CNNM2: variants seen among roughly 807,000 people sequenced by gnomAD.
The protein encoded by CNNM2 is metal transporter CNNM2.
In CNNM2, 12 loss-of-function variants were observed where a neutral mutation model predicts 66.9. The ratio of observed to expected loss-of-function variants is 0.18; its 90% confidence interval spans 0.11 to 0.29. The LOEUF (loss-of-function observed/expected upper bound fraction) is 0.29, where lower values mean the gene tolerates loss of function less well. Among genes scored for constraint, CNNM2 ranks in the 10% least tolerant of loss-of-function variants. The pLI is 1.00. For synonymous variants in CNNM2, 557 were observed against 501.8 expected, an observed-to-expected ratio of 1.11 and a Z score of -1.47; for missense variants, 705 against 1,167.7, an observed-to-expected ratio of 0.60 and a Z score of 5.77.
chr10:103,037,019 G>A (rs1406942585), intron 1 of CNNM2, among the ~76,000 whole-genome samples: 1 of 152,058 alleles, frequency 6.6e-6, no homozygotes, highest in Non-Finnish European at 1.5e-5. Context: ...GGGGGAAACT[G>A]GGGAAAAGTA....
In CNNM2 at chr10:103,076,290, T is replaced by C. The variant is rs943036; in HGVS notation, c.2418+20T>C. On this transcript the variant is annotated intron_variant, in intron 7 of 7. Transcript: ENST00000369878. The stretch of plus-strand genomic sequence containing the variant: ...GTTAAGGTGAGAGACGTGAGTGCAG[T>C]GTGGCTGGACCTGGCAGTTAGTTGT... 0.4 allele frequency: 617,046 copies of C among 1,550,844 alleles called. 123,740 individuals carry two copies. The highest frequency in any genetic ancestry group is 0.44 in the Middle Eastern group (2,536 of 5,794).
Position 102,956,236 on chromosome 10 carries a change from T to C in CNNM2, c.1621+36135T>C, listed in dbSNP as rs10883807. Among the ~76,000 whole-genome samples the C allele has an allele frequency of 0.32, 46,697 of 144,736 alleles. 7,411 individuals carry two copies. Among genetic ancestry groups the C allele is most frequent in the Middle Eastern group, 0.4 (107 of 266 alleles). The allele number at this position is 144,736 out of a possible 152,430, so 95.0% of individuals were successfully genotyped here. ...CCAGGAGGCGGAGCCTGCAGTGAGC[T>C]GAAATCGCGCCACTTCACTCCAGCC... On this transcript the variant is annotated intron_variant, in intron 1 of 7. Transcript: ENST00000369878.
chr10:102,971,764 G>A (rs572907103), intron 1 of CNNM2, among the ~76,000 whole-genome samples: 3 of 152,106 alleles, frequency 2.0e-5, no homozygotes, highest in Non-Finnish European at 2.9e-5. Context: ...GCTTATGTAA[G>A]TAATGTCCGT....
chr10:103,056,735 A>T, intron 3 of CNNM2, 60 bp from the exon 4 acceptor site: 1 of 1,446,938 alleles, frequency 6.9e-7, no homozygotes, highest in Non-Finnish European at 9.6e-7. Context: ...ATTACTATTA[A>T]TAGTATAATT....
Position 102,918,951 on chromosome 10 carries a change from C to T in CNNM2, c.471C>T (p.Ile157=), listed in dbSNP as rs750671818. ...GATGCGGCATCCGCACCTCAGACAT[C>T]ATCATCTTGCCCCACATCATTCTCA... ...PQRCGIRTSD[I]IILPHIILNR... The change falls in exon 1 of 8, where the codon ATC becomes ATT. Residue 157 remains isoleucine, a synonymous_variant. Transcript: ENST00000369878. This position sits in a 1 kb window ranked among gnomAD's most constrained non-coding sequence, Gnocchi z 4.1. 6.2e-7 allele frequency: 1 copy of T among 1,612,504 alleles called. No homozygotes were observed. Among genetic ancestry groups the T allele is most frequent in the Non-Finnish European group, 8.5e-7 (1 of 1,179,480 alleles).
In CNNM2 at chr10:103,082,905, T is replaced by C. The variant is rs1181062889; in HGVS notation, c.*5725T>C. 6.6e-6 allele frequency: 1 copy of C among 152,226 alleles called. No homozygotes were observed. Among genetic ancestry groups the C allele is most frequent in the African/African-American group, 2.4e-5 (1 of 41,454 alleles). The allele number at this position is 152,226 out of a possible 1,614,324, so 9.4% of individuals were successfully genotyped here. A position where few individuals can be genotyped will look rare whatever the true frequency, so the allele number is the denominator to read the frequency against. On this transcript the variant is annotated 3_prime_UTR_variant, in exon 8 of 8. Coordinates refer to ENST00000369878, the MANE Select transcript of CNNM2 (RefSeq NM_017649.5). ...AGCTGTGAGTCCACGGCCTCCCTCC[T>C]CCCAAGGCAGGTCACTTGCCTGGCC...
At chr10:103,023,769 T>G (rs1202560275) in intron 1 of CNNM2, among the ~76,000 whole-genome samples, 1 of 152,200 alleles carries the variant, frequency 6.6e-6, no homozygotes, top group African/African-American at 2.4e-5. Context: ...CATTAAAAAT[T>G]ATATATACCC....
intron 4 of CNNM2, among the ~76,000 whole-genome samples, chr10:103,064,752 G>T (rs1462700968): frequency 6.6e-6 from 1 of 152,158 alleles, no homozygotes; most frequent in Non-Finnish European, 1.5e-5. Context: ...AGTTACAAGT[G>T]TTGCTTGAGC....
chr10:103,072,348 T>C (rs1375009331), intron 6 of CNNM2, among the ~76,000 whole-genome samples: 1 of 152,222 alleles, frequency 6.6e-6, no homozygotes. Context: ...TCTTGTATCC[T>C]GGGTTCTTCC....
chr10:103,046,672 A>T (rs773039593), intron 1 of CNNM2, among the ~76,000 whole-genome samples: 5 of 152,210 alleles, frequency 3.3e-5, no homozygotes, highest in Non-Finnish European at 5.9e-5. Flanking sequence ...ACAGTAGAAG[A>T]GTGCCATTGT....
In CNNM2 at chr10:103,085,402, C is replaced by T. The variant is rs1396335472; in HGVS notation, c.*8222C>T. On this transcript the variant is annotated 3_prime_UTR_variant, in exon 8 of 8. Transcript: ENST00000369878. ...CATTTTTCAGTGTGGGGAAGGTTTG[C>T]TTGGCAAATCTTCTTTCCAAGTATC... 1 of 152,120 alleles carries T rather than the reference C, an allele frequency of 6.6e-6. No homozygotes were observed. Among genetic ancestry groups the T allele is most frequent in the Non-Finnish European group, 1.5e-5 (1 of 68,040 alleles). The allele number at this position is 152,120 out of a possible 1,614,324, so 9.4% of individuals were successfully genotyped here.
intron 1 of CNNM2, among the ~76,000 whole-genome samples, chr10:103,044,771 T>C (rs1283694289): frequency 3.3e-5 from 5 of 152,332 alleles, no homozygotes; most frequent in Admixed American, 2.6e-4. Context: ...GTTAAAAGAA[T>C]GTGGCCCTGG....
At chr10:102,925,566 A>G (rs1320854644) in intron 1 of CNNM2, among the ~76,000 whole-genome samples, 3 of 152,180 alleles carry the variant, frequency 2.0e-5, no homozygotes, top group Non-Finnish European at 2.9e-5. Context: ...AGTAGCATCA[A>G]CTGAACTAGA....
chr10:102,918,335 T>C lies in CNNM2; in HGVS notation c.-146T>C, dbSNP rs552939492. On this transcript the variant is annotated 5_prime_UTR_variant, in exon 1 of 8. Transcript: ENST00000369878. The surrounding 1 kb of genome is among the most constrained non-coding windows in gnomAD (Gnocchi z 4.1). ...CCCGCGAGCCTCGGGGTTCCTCAGCTGGCTGAGGTGGAGTCAGTGTCAGTC... is the reference window on the plus strand; with the variant it reads ...CCCGCGAGCCTCGGGGTTCCTCAGCCGGCTGAGGTGGAGTCAGTGTCAGTC... The C allele has an allele frequency of 4.5e-6, 6 of 1,343,654 alleles. No homozygotes were observed. Among genetic ancestry groups the C allele is most frequent in the Non-Finnish European group, 5.9e-6 (6 of 1,021,410 alleles). 83.2% of individuals were successfully genotyped at this position (1,343,654 alleles called of 1,614,324 possible).
Position 102,932,667 on chromosome 10 carries a change from C to T in CNNM2, c.1621+12566C>T, listed in dbSNP as rs1019752857. Among the ~76,000 whole-genome samples, 8 of 152,200 alleles carry T rather than the reference C, an allele frequency of 5.3e-5. No individual in the cohort carries two copies. In the South Asian group the frequency reaches 6.2e-4, roughly 12 times the overall value. ...GCACGGTGGCTCACGCCTGTAATCC[C>T]GGAACCTTGGGAGGCTGAGGCAGGT... On this transcript the variant is annotated intron_variant, in intron 1 of 7. Transcript: ENST00000369878.
intron 2 of CNNM2, among the ~76,000 whole-genome samples, chr10:103,050,423 G>C (rs986204049): frequency 6.6e-6 from 1 of 151,896 alleles, no homozygotes; most frequent in Non-Finnish European, 1.5e-5. Context: ...TGTAATTCCA[G>C]CTACTCTGGA....
chr10:103,023,646 A>T (rs113759541), intron 1 of CNNM2, among the ~76,000 whole-genome samples: 340 of 152,268 alleles, frequency 2.2e-3, no homozygotes, highest in African/African-American at 7.7e-3. Context: ...AGTACCTCTC[A>T]CTAGGCCCCA....
At chr10:102,930,364 CTT>C (rs1387789176) in intron 1 of CNNM2, among the ~76,000 whole-genome samples, 1 of 152,082 alleles carries the variant, frequency 6.6e-6, no homozygotes, top group Non-Finnish European at 1.5e-5. Flanking sequence ...CATAGCCAGT[CTT>C]TGTGAAAATC....
intron 1 of CNNM2, among the ~76,000 whole-genome samples, chr10:102,924,582 A>T (rs1219468974): frequency 4.0e-5 from 6 of 151,476 alleles, no homozygotes; most frequent in Non-Finnish European, 4.4e-5. Flanking sequence ...TTTTTTTCTC[A>T]CCAAATTAAG....
Sources: allele counts gnomAD v4.1 joint callset (sites outside exome capture counted in the v4.1 genomes callset), GRCh38; gene constraint gnomAD v4.1.1; non-coding constraint Gnocchi (gnomAD v3.1); transcripts MANE v1.5; gene names NCBI Gene and HGNC (gene_info 2026-07-23, HGNC 2026-07-21).